Variants in PTPRT observed in about 807,000 individuals in gnomAD.
The protein encoded by PTPRT is protein tyrosine phosphatase receptor type T.
In PTPRT, 56 loss-of-function variants were observed where a neutral mutation model predicts 176.8. That is an observed-to-expected ratio of 0.32 (90% CI 0.26 to 0.40). The LOEUF (loss-of-function observed/expected upper bound fraction) is 0.40. PTPRT is among the 10% of genes least tolerant of loss of function. The pLI is 1.00. For missense variants in PTPRT, 1,540 were observed against 1,908.2 expected (o/e 0.81, Z 3.60); for synonymous variants, 783 against 739.0 (o/e 1.06, Z -0.96).
intron 7 of PTPRT, among the ~76,000 whole-genome samples, chr20:42,664,466 AATG>A (rs2075278815): frequency 6.6e-6 from 1 of 152,132 alleles, no homozygotes; most frequent in Non-Finnish European, 1.5e-5. Context: ...CCAATAAAAG[AATG>A]ATATTTTCTT....
chr20:42,194,355 C>G lies in PTPRT; in HGVS notation c.2491+4885G>C, dbSNP rs534277861. Among the ~76,000 whole-genome samples the G allele has an allele frequency of 2.4e-4, 36 of 152,290 alleles. 1 individual carries two copies. The South Asian group carries it at 7.3e-3, about 31-fold the overall frequency. On this transcript the variant is annotated intron_variant, in intron 16 of 30. Coordinates refer to ENST00000373187, the MANE Select transcript of PTPRT (RefSeq NM_007050.6). ...CTGATGACCCTTAGAGAAGGACTGC[C>G]TTTACCTTCCAGACATGGAATAATT...
chr20:42,627,811 T>C (rs1448489301), intron 7 of PTPRT, among the ~76,000 whole-genome samples: 1 of 152,140 alleles, frequency 6.6e-6, no homozygotes, highest in Non-Finnish European at 1.5e-5. Context: ...AGACAGTCTG[T>C]TTCAGAGACA....
rs762880631 is a variant in PTPRT at position 42,599,509 on chromosome 20, G to A, written c.1153+78357C>T. ...CCCAGAGAGATGGGGTGCAATGGGAGGGTTGAGTTACAGTGTCAGGCACTG... is the reference window on the plus strand; with the variant it reads ...CCCAGAGAGATGGGGTGCAATGGGAAGGTTGAGTTACAGTGTCAGGCACTG... On this transcript the variant is annotated intron_variant, in intron 7 of 30. Transcript: ENST00000373187. Among the ~76,000 whole-genome samples the A allele has an allele frequency of 4.9e-4, 74 of 152,120 alleles. 2 individuals carry two copies. Among genetic ancestry groups the A allele is most frequent in the Non-Finnish European group, 8.5e-4 (58 of 67,998 alleles).
intron 6 of PTPRT, among the ~76,000 whole-genome samples, chr20:42,709,800 G>A (rs964639521): frequency 6.6e-6 from 1 of 152,168 alleles, no homozygotes; most frequent in African/African-American, 2.4e-5. Flanking sequence ...TTAAGTGGTT[G>A]TGACCAAAAT....
At chr20:43,041,504 C>A (rs1986603716) in intron 1 of PTPRT, among the ~76,000 whole-genome samples, 1 of 152,210 alleles carries the variant, frequency 6.6e-6, no homozygotes, top group Non-Finnish European at 1.5e-5. Context: ...CCTGTCTCCC[C>A]AAAGCCAGCA....
At chr20:42,176,333 G>A (rs972281747) in intron 16 of PTPRT, among the ~76,000 whole-genome samples, 1 of 152,164 alleles carries the variant, frequency 6.6e-6, no homozygotes, top group Non-Finnish European at 1.5e-5. Flanking sequence ...TGGTGAGTGT[G>A]GGGAGGTTGA....
At chr20:42,055,395 A>T in the PTPRT span, among the ~76,000 whole-genome samples, 4 of 151,994 alleles carry the variant, frequency 2.6e-5, no homozygotes, top group East Asian at 5.8e-4. Flanking sequence ...TATTACGGAG[A>T]CTCAATTCGG....
chr20:42,337,843 C>T (rs759015338), intron 11 of PTPRT, among the ~76,000 whole-genome samples: 17 of 152,170 alleles, frequency 1.1e-4, no homozygotes, highest in Admixed American at 1.1e-3. Context: ...AAAGGCAGGA[C>T]GGAAAAGCTT....
chr20:43,140,565 T>A (rs1600742149), intron 1 of PTPRT, among the ~76,000 whole-genome samples: 1 of 152,002 alleles, frequency 6.6e-6, no homozygotes, highest in South Asian at 2.1e-4. Flanking sequence ...TGGGTTTTTT[T>A]AATTAATACA....
intron 1 of PTPRT, among the ~76,000 whole-genome samples, chr20:42,988,703 A>G (rs141610392): frequency 1.7e-3 from 252 of 152,272 alleles, no homozygotes; most frequent in African/African-American, 5.5e-3. Context: ...GGAAATAGGA[A>G]CCCCTGGTCA....
At chr20:42,568,237 G>A (rs534567177) in intron 7 of PTPRT, among the ~76,000 whole-genome samples, 70 of 152,268 alleles carry the variant, frequency 4.6e-4, no homozygotes, top group African/African-American at 1.6e-3. Flanking sequence ...AAAGTGCTGG[G>A]ATTACAGGCG....
intron 9 of PTPRT, among the ~76,000 whole-genome samples, chr20:42,370,564 G>A (rs558133877): frequency 5.9e-5 from 9 of 152,242 alleles, no homozygotes; most frequent in African/African-American, 1.9e-4. Flanking sequence ...GAGACTTTGG[G>A]CAAGGTGCTT....
chr20:42,692,062 C>T lies in PTPRT; in HGVS notation c.860-13903G>A, dbSNP rs142451854. ...ATAGAAAGCAAGTCTTTAGCTAGAACATCTTGGAACAAAATCCTGCTTGAA... is the reference window on the plus strand; with the variant it reads ...ATAGAAAGCAAGTCTTTAGCTAGAATATCTTGGAACAAAATCCTGCTTGAA... On this transcript the variant is annotated intron_variant, in intron 6 of 30. Coordinates refer to ENST00000373187, the MANE Select transcript of PTPRT (RefSeq NM_007050.6). 4.6e-3 allele frequency among the ~76,000 whole-genome samples: 708 copies of T among 152,294 alleles called. 3 individuals carry two copies. Among genetic ancestry groups the T allele is most frequent in the African/African-American group, 0.016 (678 of 41,568 alleles).
chr20:43,121,350 G>A (rs913670532), intron 1 of PTPRT, among the ~76,000 whole-genome samples: 2 of 152,170 alleles, frequency 1.3e-5, no homozygotes, highest in East Asian at 1.9e-4. Context: ...TACCCACTTC[G>A]GCTAGCTATA....
chr20:43,050,343 G>A (rs933523094), intron 1 of PTPRT, among the ~76,000 whole-genome samples: 15 of 152,196 alleles, frequency 9.9e-5, no homozygotes, highest in Non-Finnish European at 1.8e-4. Context: ...ACAAGAAGAC[G>A]GGAAGGGAGC....
chr20:42,683,271 TTTTTGTTTTG>T (rs11267321), intron 6 of PTPRT, among the ~76,000 whole-genome samples: 1 of 149,280 alleles, frequency 6.7e-6, no homozygotes, highest in Non-Finnish European at 1.5e-5. Flanking sequence ...TTACTTGTTT[TTTTTGTTTTG>T]TTTTGTTTTG....
chr20:42,701,127 C>T (rs1329850631), intron 6 of PTPRT, among the ~76,000 whole-genome samples: 1 of 152,150 alleles, frequency 6.6e-6, no homozygotes, highest in Admixed American at 6.5e-5. Context: ...GTATTTTAAA[C>T]CACCGCAGAG....
intron 12 of PTPRT, among the ~76,000 whole-genome samples, chr20:42,306,176 G>GA (rs2057542654): frequency 6.6e-6 from 1 of 152,214 alleles, no homozygotes; most frequent in Non-Finnish European, 1.5e-5. Context: ...GTAAGTGGAT[G>GA]AAAAAATAAA....
chr20:42,506,043 A>G (rs2071838196), intron 7 of PTPRT, among the ~76,000 whole-genome samples: 1 of 152,182 alleles, frequency 6.6e-6, no homozygotes, highest in Non-Finnish European at 1.5e-5. Flanking sequence ...ATGCAAAGCC[A>G]TTAACTCAGG....
Sources: gnomAD v4.1 joint callset for allele counts (sites outside exome capture counted in the v4.1 genomes callset) on GRCh38, gnomAD v4.1.1 for gene constraint, MANE v1.5 for transcripts, NCBI Gene and HGNC (gene_info 2026-07-23, HGNC 2026-07-21) for gene names.